Variants in SDK1 observed in about 807,000 individuals in gnomAD.
SDK1 encodes sidekick cell adhesion molecule 1.
In SDK1, 157 loss-of-function variants were observed where a neutral mutation model predicts 245.5. The ratio of observed to expected loss-of-function variants is 0.64; its 90% CI spans 0.56 to 0.73. The LOEUF is 0.73. Among genes scored for constraint, SDK1 ranks in the 30% least tolerant of loss-of-function variants. SDK1 has a pLI of 0.00. For missense variants in SDK1, 3,583 were observed against 3,002.3 expected (o/e 1.19, Z -4.52); for synonymous variants, 1,647 against 1,278.5 (o/e 1.29, Z -6.15).
At chr7:3,593,400 G>C (rs991422900) in intron 1 of SDK1, among the ~76,000 whole-genome samples, 3 of 152,160 alleles carry the variant, frequency 2.0e-5, no homozygotes, top group South Asian at 2.1e-4. Flanking sequence ...CCATGCATCA[G>C]CTGCCCCGTT....
intron 4 of SDK1, among the ~76,000 whole-genome samples, chr7:3,812,787 C>G (rs1779417010): frequency 6.6e-6 from 1 of 152,178 alleles, no homozygotes; most frequent in Non-Finnish European, 1.5e-5. Flanking sequence ...CTGAGCAAGC[C>G]TGCCTGCCTG....
intron 28 of SDK1, among the ~76,000 whole-genome samples, chr7:4,139,494 T>G (rs1779348147): frequency 5.2e-5 from 4 of 77,504 alleles, no homozygotes; most frequent in African/African-American, 1.4e-4. Flanking sequence ...TGTGTATATA[T>G]GTGTGTGTGT....
chr7:3,528,514 C>CT (rs1783229102), intron 1 of SDK1, among the ~76,000 whole-genome samples: 1 of 152,040 alleles, frequency 6.6e-6, no homozygotes, highest in African/African-American at 2.4e-5. Flanking sequence ...TAGGGTTGGG[C>CT]TGTAAGCGTG....
chr7:3,544,712 T>A (rs1171997480), intron 1 of SDK1, among the ~76,000 whole-genome samples: 1 of 152,228 alleles, frequency 6.6e-6, no homozygotes, highest in African/African-American at 2.4e-5. Context: ...CTACAGCACT[T>A]ACCAACCATA....
chr7:4,052,472 A>T (rs1778931793), intron 19 of SDK1, among the ~76,000 whole-genome samples: 1 of 152,212 alleles, frequency 6.6e-6, no homozygotes, highest in Non-Finnish European at 1.5e-5. Flanking sequence ...AGAATTGGGA[A>T]AAAGTATAGA....
intron 1 of SDK1, among the ~76,000 whole-genome samples, chr7:3,577,466 C>T (rs1344729259): frequency 2.0e-5 from 3 of 152,002 alleles, no homozygotes; most frequent in Non-Finnish European, 2.9e-5. Flanking sequence ...ACTTCATGGG[C>T]TTTCATGCCC....
intron 20 of SDK1, among the ~76,000 whole-genome samples, chr7:4,076,406 A>G (rs2128177041): frequency 6.6e-6 from 1 of 152,266 alleles, no homozygotes; most frequent in South Asian, 2.1e-4. Flanking sequence ...AATACAAAAA[A>G]TTAGCCAGGC....
At chr7:3,874,159 A>G (rs887032043) in intron 5 of SDK1, among the ~76,000 whole-genome samples, 1 of 152,170 alleles carries the variant, frequency 6.6e-6, no homozygotes, top group Admixed American at 6.5e-5. Flanking sequence ...AGATTTGGCT[A>G]GGTTTAAAGT....
intron 4 of SDK1, among the ~76,000 whole-genome samples, chr7:3,795,620 C>T (rs973954446): frequency 2.6e-5 from 4 of 151,944 alleles, no homozygotes; most frequent in Admixed American, 6.6e-5. Context: ...TCTTATTTAT[C>T]GTGAAGAGTT....
chr7:3,837,469 C>T (rs1780053408), intron 5 of SDK1, among the ~76,000 whole-genome samples: 2 of 152,206 alleles, frequency 1.3e-5, no homozygotes, highest in African/African-American at 4.8e-5. Flanking sequence ...GGAAAATACT[C>T]ACTGTGGAAT....
In SDK1 at chr7:4,214,762, C is replaced by T. The variant is rs1012060164; in HGVS notation, c.5539+4600C>T. Reference sequence around the variant, plus strand: ...GCCCAGCGGTGCTGGTGACATGAGGCGTCCAGCCCCCACCCAATGGCCTTA... The same window carrying T: ...GCCCAGCGGTGCTGGTGACATGAGGTGTCCAGCCCCCACCCAATGGCCTTA... On this transcript the variant is annotated intron_variant, in intron 38 of 44. Transcript: ENST00000404826. 3.3e-5 allele frequency among the ~76,000 whole-genome samples: 5 copies of T among 152,316 alleles called. 1 individual carries two copies. Among genetic ancestry groups the T allele is most frequent in the South Asian group, 4.1e-4 (2 of 4,822 alleles).
chr7:3,703,290 G>A (rs1157938335), intron 4 of SDK1, among the ~76,000 whole-genome samples: 1 of 152,134 alleles, frequency 6.6e-6, no homozygotes, highest in Non-Finnish European at 1.5e-5. Flanking sequence ...CATCATAAAG[G>A]AGTGAGCCGT....
intron 2 of SDK1, among the ~76,000 whole-genome samples, chr7:3,628,286 T>C (rs1782180767): frequency 6.6e-6 from 1 of 152,144 alleles, no homozygotes; most frequent in Non-Finnish European, 1.5e-5. Flanking sequence ...TTTTCTTTCT[T>C]TCAAGATAGA....
chr7:3,497,989 A>T (rs572854639), intron 1 of SDK1, among the ~76,000 whole-genome samples: 1 of 152,352 alleles, frequency 6.6e-6, no homozygotes, highest in Admixed American at 6.5e-5. Flanking sequence ...AGCTTTATGC[A>T]GTTTGACAGT....
chr7:3,971,280 G>A (rs139971635), intron 11 of SDK1, among the ~76,000 whole-genome samples, 186 bp from the exon 12 acceptor site: 1 of 152,200 alleles, frequency 6.6e-6, no homozygotes, highest in East Asian at 1.9e-4. Flanking sequence ...CTGCTGCAAT[G>A]GTTTACTTAT....
intron 4 of SDK1, among the ~76,000 whole-genome samples, chr7:3,805,128 G>C (rs751782838): frequency 8.5e-5 from 13 of 152,176 alleles, no homozygotes; most frequent in Non-Finnish European, 1.8e-4. Context: ...GACACCATAA[G>C]TACATACAAT....
chr7:3,330,696 G>A (rs1294751174), intron 1 of SDK1, among the ~76,000 whole-genome samples: 1 of 151,866 alleles, frequency 6.6e-6, no homozygotes, highest in African/African-American at 2.4e-5. Context: ...TCTAGGGCTA[G>A]GCACGGTGAC....
chr7:4,149,433 G>T lies in SDK1; in HGVS notation c.4595G>T (p.Ser1532Ile). Residue 1532 changes from serine (S) to isoleucine (I), a missense_variant, in exon 30 of 45, where the codon AGC (serine) becomes ATC (isoleucine). By Grantham distance (142) the Ser-to-Ile change is moderately radical. Transcript: ENST00000404826. ...GEWQTYSSSI[S>I]HEATACVVDR... The stretch of plus-strand genomic sequence containing the variant: ...TGGCAGACCTACTCCTCGTCCATCA[G>T]CCATGAGGCGACAGCATGCGTCGTT... 1 of 1,563,912 alleles carries T rather than the reference G, an allele frequency of 6.4e-7. No homozygotes were observed. The highest frequency in any genetic ancestry group is 8.6e-7 in the Non-Finnish European group (1 of 1,156,086).
At chr7:4,141,542 T>C (rs1779583129) in intron 28 of SDK1, among the ~76,000 whole-genome samples, 1 of 152,172 alleles carries the variant, frequency 6.6e-6, no homozygotes, top group African/African-American at 2.4e-5. Context: ...TGAAAGGCAA[T>C]TTGGATTTTG....
Sources: gnomAD v4.1 joint callset for allele counts (sites outside exome capture counted in the v4.1 genomes callset) on GRCh38, gnomAD v4.1.1 for gene constraint, MANE v1.5 for transcripts, NCBI Gene and HGNC (gene_info 2026-07-23, HGNC 2026-07-21) for gene names.